KLHL8: variants seen among roughly 807,000 people sequenced by gnomAD.
KLHL8 encodes the protein kelch like family member 8, also known as kelch-like protein 8.
In KLHL8, 38 loss-of-function variants were observed where a neutral mutation model predicts 63.5. The ratio of observed to expected loss-of-function variants is 0.60; its 90% CI spans 0.46 to 0.78. The LOEUF (loss-of-function observed/expected upper bound fraction) is 0.78, where lower values mean the gene tolerates loss of function less well. KLHL8 is among the 30% of genes least tolerant of loss of function. The pLI is 0.00. For missense variants in KLHL8, 566 were observed against 752.4 expected (o/e 0.75, Z 2.90); for synonymous variants, 224 against 254.3 (o/e 0.88, Z 1.13).
chr4:87,185,084 C>G (rs1315269852), intron 3 of KLHL8, among the ~76,000 whole-genome samples, 167 bp downstream of exon 3: 1 of 152,170 alleles, frequency 6.6e-6, no homozygotes, highest in Non-Finnish European at 1.5e-5. Context: ...TGAAACAGCA[C>G]AGCAAGTTAA....
At chr4:87,194,961 T>C (rs1295473616) in intron 2 of KLHL8, among the ~76,000 whole-genome samples, 1 of 152,210 alleles carries the variant, frequency 6.6e-6, no homozygotes, top group Non-Finnish European at 1.5e-5. Flanking sequence ...TACTTCTGTA[T>C]TCAGAGTAAG....
chr4:87,225,542 G>T (rs1440832483), upstream of KLHL8, among the ~76,000 whole-genome samples: 2 of 152,138 alleles, frequency 1.3e-5, no homozygotes, highest in East Asian at 3.8e-4. Flanking sequence ...GCTTCCTAAA[G>T]GACAATAGTC....
At chr4:87,224,793 A>G (rs1732943556), upstream of KLHL8, among the ~76,000 whole-genome samples, 1 of 152,210 alleles carries the variant, frequency 6.6e-6, no homozygotes. Context: ...CTGTTTTAAT[A>G]AATTAATGAC....
chr4:87,205,127 C>T (rs1732070600), intron 1 of KLHL8, among the ~76,000 whole-genome samples: 1 of 152,208 alleles, frequency 6.6e-6, no homozygotes, highest in African/African-American at 2.4e-5. Flanking sequence ...TAAAGGCTGG[C>T]CAGACACAAT....
At chr4:87,214,133 A>G (rs1458053367) in intron 1 of KLHL8, among the ~76,000 whole-genome samples, 1 of 152,002 alleles carries the variant, frequency 6.6e-6, no homozygotes, top group Non-Finnish European at 1.5e-5. Context: ...AAGAAATAAA[A>G]TATGCTTTAT....
chr4:87,209,514 T>G (rs1241512249), intron 1 of KLHL8, among the ~76,000 whole-genome samples: 1 of 152,184 alleles, frequency 6.6e-6, no homozygotes, highest in Non-Finnish European at 1.5e-5. Flanking sequence ...GCAGAGCATA[T>G]GTAACAAAAC....
intron 2 of KLHL8, among the ~76,000 whole-genome samples, chr4:87,188,621 C>T (rs1385489658): frequency 6.6e-6 from 1 of 152,102 alleles, no homozygotes; most frequent in Non-Finnish European, 1.5e-5. Flanking sequence ...ATAGGAACAG[C>T]CAAAAATTTG....
Position 87,208,998 on chromosome 4 carries a change from C to T in KLHL8, c.-152+11420G>A, listed in dbSNP as rs147659268. On this transcript the variant is annotated intron_variant, in intron 1 of 9. Coordinates refer to ENST00000273963, the MANE Select transcript of KLHL8 (RefSeq NM_020803.5). ...ATGGTCTGTTTAAATAATGCAATGT[C>T]CTCAACTTTAAAAAATCTATTATAT... 8.7e-3 allele frequency among the ~76,000 whole-genome samples: 1,317 copies of T among 152,114 alleles called. 6 individuals carry two copies. Among genetic ancestry groups the T allele is most frequent in the Middle Eastern group, 0.024 (7 of 294 alleles).
At position 87,178,498 on chromosome 4, in the gene KLHL8, C is replaced by T. The variant is rs1452375029; in HGVS notation, c.1075G>A (p.Val359Met). 5 of 1,610,786 alleles carry T rather than the reference C, an allele frequency of 3.1e-6. No homozygotes were observed. ...GPEMNSRRRHVGVISVEGKVY... is the reference protein window; with the variant it reads ...GPEMNSRRRHMGVISVEGKVY... ...CCACCTTCCACAGAGATTACACCCA[C>T]ATGTCGCCTTCGACTATTCATTTCT... The change falls in exon 5 of 10, where the codon GTG (valine) becomes ATG (methionine). Residue 359 changes from valine to methionine, a missense_variant. Physicochemically the swap from Val to Met is conservative, Grantham distance 21 (BLOSUM62 1). Transcript: ENST00000273963.
intron 9 of KLHL8, 86 bp from the exon 10 acceptor site, chr4:87,163,728 G>C: frequency 6.3e-7 from 1 of 1,575,380 alleles, no homozygotes; most frequent in East Asian, 2.2e-5. Flanking sequence ...CCCTATGTGA[G>C]ACTGGTTTTG....
intron 2 of KLHL8, among the ~76,000 whole-genome samples, chr4:87,186,565 A>T (rs1731265819): frequency 1.3e-5 from 2 of 149,858 alleles, no homozygotes; most frequent in Non-Finnish European, 3.0e-5. Context: ...TTGCAGCCTC[A>T]ACCTGCTGGG....
chr4:87,200,183 T>C (rs62308860), intron 1 of KLHL8, among the ~76,000 whole-genome samples: 5,808 of 147,646 alleles, frequency 0.039, 162 homozygotes, highest in Non-Finnish European at 0.057. Context: ...GGTAAAGGAC[T>C]TGAATAGACA....
intron 1 of KLHL8, chr4:87,207,392 C>A: frequency 1.5e-6 from 1 of 675,634 alleles, no homozygotes; most frequent in Non-Finnish European, 2.7e-6. Context: ...GGTGTTTTCA[C>A]CCCCATGGAG....
chr4:87,164,710 G>A (rs1730308693), intron 8 of KLHL8, among the ~76,000 whole-genome samples: 1 of 152,146 alleles, frequency 6.6e-6, no homozygotes, highest in Admixed American at 6.5e-5. Context: ...AGGTTATAGA[G>A]ACTGTTATTT....
At chr4:87,190,522 TA>T (rs1250931842) in intron 2 of KLHL8, among the ~76,000 whole-genome samples, 2 of 151,744 alleles carry the variant, frequency 1.3e-5, no homozygotes, top group Non-Finnish European at 2.9e-5. Flanking sequence ...TGGGTGCCTA[TA>T]ATCCCAGCTA....
At chr4:87,165,055 A>G (rs1226200622) in intron 8 of KLHL8, among the ~76,000 whole-genome samples, 4 of 149,942 alleles carry the variant, frequency 2.7e-5, no homozygotes, top group Non-Finnish European at 5.9e-5. Flanking sequence ...AGGCTGAGGC[A>G]GGACAATGGC....
chr4:87,170,343 G>A, intron 7 of KLHL8, 104 bp downstream of exon 7: 2 of 1,417,750 alleles, frequency 1.4e-6, no homozygotes, highest in Non-Finnish European at 1.9e-6. Context: ...GAAATAATAT[G>A]ATATATAATA....
intron 8 of KLHL8, among the ~76,000 whole-genome samples, chr4:87,168,132 C>T (rs535603532): frequency 6.6e-6 from 1 of 152,118 alleles, no homozygotes; most frequent in Non-Finnish European, 1.5e-5. Flanking sequence ...CTTGGTTTTG[C>T]CTAGTTAGAC....
intron 1 of KLHL8, among the ~76,000 whole-genome samples, chr4:87,233,390 C>G (rs1176525993): frequency 1.3e-5 from 2 of 152,092 alleles, no homozygotes; most frequent in East Asian, 3.9e-4. Flanking sequence ...GAGTTTGAGA[C>G]CAGCCTAACC....
Sources: allele counts gnomAD v4.1 joint callset (sites outside exome capture counted in the v4.1 genomes callset), GRCh38; gene constraint gnomAD v4.1.1; transcripts MANE v1.5; gene names NCBI Gene and HGNC (gene_info 2026-07-23, HGNC 2026-07-21).